The following MLIP variants were observed in gnomAD, a reference collection of about 807,000 sequenced individuals.
MLIP encodes the protein muscular LMNA-interacting protein.
Under a neutral mutation model 84.8 loss-of-function variants are expected in MLIP, and 79 were observed. That is an observed-to-expected ratio of 0.93 (90% CI 0.78 to 1.12). MLIP has a LOEUF of 1.12. MLIP is among the 50% of genes most tolerant of loss of function. MLIP has a pLI of 0.00. For missense variants in MLIP, 1,257 were observed against 1,160.6 expected, an observed-to-expected ratio of 1.08 and a Z score of -1.21; for synonymous variants, 504 against 463.0, an observed-to-expected ratio of 1.09 and a Z score of -1.14.
At chr6:54,103,297 G>T (rs914730491) in intron 1 of MLIP, among the ~76,000 whole-genome samples, 2 of 152,108 alleles carry the variant, frequency 1.3e-5, no homozygotes, top group Admixed American at 1.3e-4. Context: ...CCCTAATGGG[G>T]TGAGATATTA....
chr6:54,215,442 T>G (rs1326484925), intron 11 of MLIP: 1 of 1,183,306 alleles, frequency 8.5e-7, no homozygotes, highest in Admixed American at 4.1e-5. Context: ...TATAATTTCT[T>G]TAAATTTTTT....
chr6:54,244,508 T>A (rs1421001315), intron 12 of MLIP, among the ~76,000 whole-genome samples: 1 of 152,196 alleles, frequency 6.6e-6, no homozygotes, highest in East Asian at 1.9e-4. Context: ...TTAATTTGAC[T>A]TTTAACATTA....
chr6:54,207,053 G>A (rs533974685), intron 11 of MLIP, among the ~76,000 whole-genome samples: 1 of 152,166 alleles, frequency 6.6e-6, no homozygotes, highest in African/African-American at 2.4e-5. Flanking sequence ...TTGTTTTAAC[G>A]AGAGGAAAGC....
intron 11 of MLIP, among the ~76,000 whole-genome samples, chr6:54,202,531 C>T (rs1412625808): frequency 1.3e-5 from 2 of 150,008 alleles, no homozygotes; most frequent in Non-Finnish European, 3.0e-5. Flanking sequence ...CAAGATGTTG[C>T]TCTCTATAAA....
At position 54,096,635 on chromosome 6, in the gene MLIP, C is replaced by T. The variant is rs116355543; in HGVS notation, c.64-24812C>T. Among the ~76,000 whole-genome samples, 554 of 152,274 alleles carry T rather than the reference C, an allele frequency of 3.6e-3. 8 individuals are homozygous for T. The highest frequency in any genetic ancestry group is 0.013 in the African/African-American group (522 of 41,552). ...GCTCCTAAGCTCCTTACCCAATTAGCCCAGGCTCCATTGGGTCTGCTTCAT... is the reference window on the plus strand; with the variant it reads ...GCTCCTAAGCTCCTTACCCAATTAGTCCAGGCTCCATTGGGTCTGCTTCAT... On this transcript the variant is annotated intron_variant, in intron 1 of 12. Transcript: ENST00000274897.
rs532688644 is a variant in MLIP, at chr6:54,068,341, C to T, written c.63+49250C>T. Among the ~76,000 whole-genome samples, 3 of 97,476 alleles carry T rather than the reference C, an allele frequency of 3.1e-5. 1 individual carries two copies. Among genetic ancestry groups the T allele is most frequent in the Non-Finnish European group, 5.9e-5 (2 of 33,870 alleles). The allele number at this position is 97,476 out of a possible 152,430, so 63.9% of individuals were successfully genotyped here. A position where few individuals can be genotyped will look rare whatever the true frequency, so the allele number is the denominator to read the frequency against. On this transcript the variant is annotated intron_variant, in intron 1 of 12. Coordinates refer to the MLIP transcript ENST00000274897. ...TAGTAGAGACGGGGTTTCACCATGT[C>T]GGCCAGGCTGGTCTCGAACTCCTGA...
intron 11 of MLIP, among the ~76,000 whole-genome samples, chr6:54,207,199 C>T (rs1276012958): frequency 6.6e-6 from 1 of 151,344 alleles, no homozygotes; most frequent in African/African-American, 2.4e-5. Flanking sequence ...TGCTTTGCTT[C>T]CTTCCTTTAT....
At chr6:54,184,430 G>A (rs2150651092) in intron 9 of MLIP, among the ~76,000 whole-genome samples, 1 of 152,278 alleles carries the variant, frequency 6.6e-6, no homozygotes, top group East Asian at 1.9e-4. Flanking sequence ...TTAGAGTGAT[G>A]CCGACCAAAG....
chr6:54,223,199 C>A (rs12214173), intron 11 of MLIP, among the ~76,000 whole-genome samples: 2 of 151,846 alleles, frequency 1.3e-5, no homozygotes, highest in African/African-American at 4.8e-5. Flanking sequence ...CCTTTTCACA[C>A]TGTTGAATGT....
chr6:54,096,734 G>A (rs914733145), intron 1 of MLIP, among the ~76,000 whole-genome samples: 8 of 152,136 alleles, frequency 5.3e-5, no homozygotes, highest in African/African-American at 1.7e-4. Context: ...TAAATATCTG[G>A]CACCCTGAAT....
At chr6:54,201,010 T>A (rs1380036309) in intron 10 of MLIP, among the ~76,000 whole-genome samples, 1 of 152,224 alleles carries the variant, frequency 6.6e-6, no homozygotes, top group Non-Finnish European at 1.5e-5. Context: ...GAAGAATGAT[T>A]GCAGCAAAAG....
Position 54,168,853 on chromosome 6 carries a change from C to CTT in MLIP, c.2500-655_2500-654dup, listed in dbSNP as rs3996971. Among the ~76,000 whole-genome samples, 198 of 118,800 alleles carry CTT rather than the reference C, an allele frequency of 1.7e-3. 1 individual carries two copies. The highest frequency in any genetic ancestry group is 6.3e-3 in the East Asian group (23 of 3,628). The allele number at this position is 118,800 out of a possible 152,430, so 77.9% of individuals were successfully genotyped here. On this transcript the variant is annotated intron_variant, in intron 8 of 13. Transcript: ENST00000502396. Reference sequence around the variant, plus strand: ...GGTAAGGTCAATTTAGGGTTGAGGTCTTTTTTTTTTTTTTTTTTTTTGTAA... The same window carrying CTT: ...GGTAAGGTCAATTTAGGGTTGAGGTCTTTTTTTTTTTTTTTTTTTTTTTGTAA...
chr6:54,109,716 T>G (rs531469937), upstream of MLIP, among the ~76,000 whole-genome samples: 4 of 152,170 alleles, frequency 2.6e-5, no homozygotes, highest in East Asian at 7.7e-4. Flanking sequence ...CTACTCAAAG[T>G]GTAACACACC....
At chr6:54,153,298 T>C (rs1773653079) in intron 5 of MLIP, among the ~76,000 whole-genome samples, 1 of 152,116 alleles carries the variant, frequency 6.6e-6, no homozygotes, top group African/African-American at 2.4e-5. Context: ...TCCTGTCAAC[T>C]GTCAAGTCTA....
chr6:54,186,464 T>G (rs1777402814), intron 9 of MLIP, among the ~76,000 whole-genome samples: 1 of 152,188 alleles, frequency 6.6e-6, no homozygotes, highest in African/African-American at 2.4e-5. Context: ...AAGTTTGTAT[T>G]AGCCCATTTT....
chr6:54,213,891 A>C (rs1779668316), intron 11 of MLIP, among the ~76,000 whole-genome samples: 1 of 152,076 alleles, frequency 6.6e-6, no homozygotes, highest in Non-Finnish European at 1.5e-5. Context: ...AAAATTTTAC[A>C]CCAAAATAAT....
chr6:54,128,522 A>G (rs1259651033), intron 3 of MLIP, among the ~76,000 whole-genome samples: 1 of 152,182 alleles, frequency 6.6e-6, no homozygotes, highest in Non-Finnish European at 1.5e-5. Context: ...AGTCTATAGT[A>G]GAATATAAAA....
chr6:54,126,564 C>T (rs1401919716), intron 3 of MLIP, among the ~76,000 whole-genome samples: 1 of 151,268 alleles, frequency 6.6e-6, no homozygotes, highest in Admixed American at 6.6e-5. Flanking sequence ...GAACAATTAC[C>T]ATTGCTCTTG....
intron 1 of MLIP, among the ~76,000 whole-genome samples, chr6:54,027,421 A>T (rs1355319234): frequency 6.9e-6 from 1 of 145,896 alleles, no homozygotes; most frequent in African/African-American, 2.6e-5. Flanking sequence ...ACACACACAC[A>T]TATATACATA....
Sources: allele counts gnomAD v4.1 joint callset (sites outside exome capture counted in the v4.1 genomes callset), GRCh38; gene constraint gnomAD v4.1.1; transcripts MANE v1.5; gene names NCBI Gene and HGNC (gene_info 2026-07-23, HGNC 2026-07-21).